Variants in NEB observed in about 807,000 individuals in gnomAD.
The protein encoded by NEB is nemaline myopathy type 2.
NEB carries 512 observed loss-of-function variants against 952.2 expected under a neutral mutation model. The observed-to-expected ratio is 0.54, with a 90% CI of 0.50 to 0.58. The LOEUF is 0.58. NEB is among the 20% of genes least tolerant of loss of function. The pLI, the probability that NEB is intolerant of heterozygous loss-of-function variation, is 0.00. For synonymous variants in NEB, 2,900 were observed against 3,149.8 expected (o/e 0.92, Z 2.66); for missense variants, 8,428 against 9,231.1 (o/e 0.91, Z 3.56).
At chr2:151,498,003 G>A (rs1269374525) in intron 170 of NEB, 5 of 1,434,222 alleles carry the variant, frequency 3.5e-6, no homozygotes, top group African/African-American at 2.9e-5. Context: ...GAGGATTTGA[G>A]ACTGTTAGAA....
chr2:151,708,686 C>T (rs1577217287), intron 12 of NEB, among the ~76,000 whole-genome samples: 1 of 152,230 alleles, frequency 6.6e-6, no homozygotes, highest in South Asian at 2.1e-4. Context: ...ATGTAGTCGA[C>T]TGACCTCTGA....
intron 75 of NEB, 22 bp from the exon 76 acceptor site, chr2:151,616,131 C>G (rs955407750): frequency 4.8e-6 from 7 of 1,472,498 alleles, no homozygotes; most frequent in Non-Finnish European, 6.6e-6. Context: ...AAAGTCATTA[C>G]TCATTTACTC....
At chr2:151,727,979 A>C in intron 4 of NEB, 73 bp from the exon 5 acceptor site, 2 of 1,183,584 alleles carry the variant, frequency 1.7e-6, no homozygotes, top group East Asian at 4.9e-5. Flanking sequence ...AGTATATATT[A>C]GTCTAACTTC....
In NEB at chr2:151,669,083, C is replaced by T. The variant is rs781655186; in HGVS notation, c.4555G>A (p.Asp1519Asn). ...GEKLKHKYTI[D>N]PELPQFIQAK... Reference sequence around the variant, plus strand: ...TGAATAAACTGAGGCAATTCAGGGTCAATAGTATACTTGTGCTTCAGTTTC... The same window carrying T: ...TGAATAAACTGAGGCAATTCAGGGTTAATAGTATACTTGTGCTTCAGTTTC... The change falls in exon 39 of 182, where the codon GAC becomes AAC. Residue 1519 changes from aspartate (D) to asparagine (N), a missense_variant. Physicochemically the swap from Asp to Asn is conservative, Grantham distance 23. Transcript: ENST00000397345. 3.8e-6 allele frequency: 6 copies of T among 1,594,124 alleles called. No individual in the cohort carries two copies. In the Admixed American group the frequency reaches 1.0e-4, roughly 28 times the overall value.
At chr2:151,644,210 C>T in intron 56 of NEB, 81 bp from the exon 57 acceptor site, 5 of 1,528,404 alleles carry the variant, frequency 3.3e-6, no homozygotes, top group Non-Finnish European at 4.4e-6. Flanking sequence ...AGCGCATTAA[C>T]TCTAAATATT....
chr2:151,673,732 C>CTTTT (rs10716811), intron 36 of NEB, among the ~76,000 whole-genome samples: 2 of 92,834 alleles, frequency 2.2e-5, no homozygotes, highest in African/African-American at 7.1e-5. Flanking sequence ...TTTTCTTTTT[C>CTTTT]TTTTTTTTTT....
rs745323298 is a variant in NEB, at chr2:151,658,075, A to G, written c.6091T>C (p.Ser2031Pro). 5 of 1,602,442 alleles carry G rather than the reference A, an allele frequency of 3.1e-6. No homozygotes were observed. Among genetic ancestry groups the G allele is most frequent in the Admixed American group, 3.4e-5 (2 of 59,230 alleles). ...INMSDKLYKL[S>P]LEESKKKGYD... ...CCTTTCTTTTTAGACTCTTCCAAGG[A>G]AAGTTTGTAGAGTTTCTGTAAAGAG... Residue 2031 changes from serine to proline, a missense_variant, in exon 48 of 182, where the codon TCC becomes CCC. Ser to Pro is a moderately conservative substitution (Grantham distance 74). Around this residue, in one of 11 missense-constraint regions of NEB, gnomAD observed 2,851 missense variants for 2,791.5 expected, o/e 1.02. Coordinates refer to ENST00000397345, the MANE Select transcript of NEB (RefSeq NM_001164508.2).
At chr2:151,506,522 GTTGA>G in intron 163 of NEB, 1 of 448,228 alleles carries the variant, frequency 2.2e-6, no homozygotes, top group African/African-American at 2.0e-5. Flanking sequence ...GCCAGGAAAT[GTTGA>G]TTAACAACAA....
At chr2:151,500,127 A>T (rs2063311966) in intron 168 of NEB, among the ~76,000 whole-genome samples, 1 of 152,126 alleles carries the variant, frequency 6.6e-6, no homozygotes, top group Non-Finnish European at 1.5e-5. Flanking sequence ...TGAGTATAAC[A>T]TTCCAAAAGA....
In NEB at chr2:151,657,356, T is replaced by C. The variant is rs1161923983; in HGVS notation, c.6183+627A>G. On this transcript the variant is annotated intron_variant, in intron 48 of 181. Transcript: ENST00000397345. ...TCATTAAATGTTCCCTGTGAGTGGA[T>C]TTCTTGTGGAAACAACCAAATGAAA... 2.0e-5 allele frequency among the ~76,000 whole-genome samples: 3 copies of C among 152,160 alleles called. No individual in the cohort carries two copies. The East Asian group carries it at 5.8e-4, about 29-fold the overall frequency.
chr2:151,489,523 T>C (rs925373217), intron 181 of NEB, among the ~76,000 whole-genome samples: 2 of 152,084 alleles, frequency 1.3e-5, no homozygotes, highest in African/African-American at 2.4e-5. Context: ...CTCAACTTCC[T>C]CAGTAGCTGG....
rs1320134131 is a variant in NEB at position 151,610,568 on chromosome 2, G to C, written c.11966C>G (p.Ala3989Gly). 6 of 1,613,790 alleles carry C rather than the reference G, an allele frequency of 3.7e-6. No individual in the cohort carries two copies. In the East Asian group the frequency reaches 1.1e-4, roughly 30 times the overall value. ...ESKMKDYDLR[A>G]DAISIKSAKA... ...GGCACTTTTGATGGAAATAGCATCT[G>C]CTCTCAGATCATAGTCCTTCATCTT... The change falls in exon 80 of 182, where the codon GCA (alanine) becomes GGA (glycine). Residue 3989 changes from alanine to glycine, a missense_variant. Transcript: ENST00000397345.
At chr2:151,616,543 A>C (rs2154004313) in intron 75 of NEB, among the ~76,000 whole-genome samples, 1 of 152,178 alleles carries the variant, frequency 6.6e-6, no homozygotes, top group East Asian at 1.9e-4. Flanking sequence ...AAAATACAAT[A>C]ATTAACTGGG....
intron 22 of NEB, 23 bp downstream of exon 22, chr2:151,692,036 T>G: frequency 6.2e-7 from 1 of 1,609,798 alleles, no homozygotes; most frequent in Non-Finnish European, 8.5e-7. Flanking sequence ...CTGTGAGGCA[T>G]GAACCATTGT....
chr2:151,547,924 A>G (rs2094909978), intron 131 of NEB, among the ~76,000 whole-genome samples, 186 bp from the exon 132 acceptor site: 1 of 152,228 alleles, frequency 6.6e-6, no homozygotes, highest in Non-Finnish European at 1.5e-5. Flanking sequence ...AATTCTGAGC[A>G]CAAAGCCTTC....
chr2:151,524,274 C>A (rs552734719), intron 153 of NEB, 37 bp downstream of exon 153: 4 of 1,549,470 alleles, frequency 2.6e-6, no homozygotes, highest in Admixed American at 1.7e-5. Flanking sequence ...TTATAATCTC[C>A]TCACATGAGA....
rs770169517 is a variant in NEB at position 151,505,568 on chromosome 2, C to G, written c.23652G>C (p.Val7884=). The G allele has an allele frequency of 3.1e-6, 5 of 1,611,208 alleles. No homozygotes were observed. In the South Asian group the frequency reaches 5.5e-5, roughly 18 times the overall value. ...VKQTQDHISS[V]KYKEAIGQGT... ...CTTGTCCTATTGCTTCCTTATACTT[C>G]ACCTGCAGATTTAAAAATGGGAAAA... is the stretch of plus-strand genomic sequence containing the variant. The change falls in exon 165 of 182, where the codon GTG becomes GTC. Residue 7884 remains valine (V), a splice_region_variant and synonymous_variant. Transcript: ENST00000397345.
At chr2:151,630,852 C>T (rs2098653437) in intron 66 of NEB, 33 bp from the exon 67 acceptor site, 1 of 1,507,906 alleles carries the variant, frequency 6.6e-7, no homozygotes, top group Non-Finnish European at 9.0e-7. Context: ...GATTAAAAAT[C>T]ATTTGAAATA....
intron 174 of NEB, 72 bp from the exon 175 acceptor site, chr2:151,493,939 G>A: frequency 1.8e-6 from 2 of 1,138,530 alleles, no homozygotes; most frequent in East Asian, 2.6e-5. Flanking sequence ...TGCAAGTTGG[G>A]GGGAAATGTT....
Sources: gnomAD v4.1 joint callset for allele counts (sites outside exome capture counted in the v4.1 genomes callset) on GRCh38, gnomAD v4.1.1 for gene constraint, gnomAD v4.1.1 regional missense constraint, MANE v1.5 for transcripts, NCBI Gene and HGNC (gene_info 2026-07-23, HGNC 2026-07-21) for gene names.